The following PPFIA2 variants were observed in gnomAD, a reference collection of about 807,000 sequenced individuals.
PPFIA2 encodes the protein liprin-alpha-2.
In PPFIA2, 46 loss-of-function variants were observed where a neutral mutation model predicts 175.5. The ratio of observed to expected loss-of-function variants is 0.26; its 90% CI spans 0.21 to 0.34. The LOEUF (loss-of-function observed/expected upper bound fraction) is 0.34. Ranked by LOEUF, PPFIA2 falls within the 10% of genes least tolerant of loss-of-function variation. The probability of loss-of-function intolerance (pLI) is 1.00; values close to 1 mark genes in which losing one functional copy is unlikely to be tolerated. For synonymous variants in PPFIA2, 568 were observed against 511.4 expected, an observed-to-expected ratio of 1.11 and a Z score of -1.49; for missense variants, 1,179 against 1,506.1, an observed-to-expected ratio of 0.78 and a Z score of 3.60.
chr12:81,544,085 T>C (rs1426051598), intron 4 of PPFIA2, among the ~76,000 whole-genome samples: 2 of 152,242 alleles, frequency 1.3e-5, no homozygotes, highest in East Asian at 1.9e-4. Context: ...AATAAAAATA[T>C]ATCAACATTG....
chr12:81,512,324 C>A (rs1313110977), intron 4 of PPFIA2: 2 of 1,288,654 alleles, frequency 1.6e-6, no homozygotes, highest in Non-Finnish European at 1.0e-6. Context: ...TTCCCATCTC[C>A]CACTGCTATC....
intron 7 of PPFIA2, among the ~76,000 whole-genome samples, chr12:81,436,130 A>T (rs987090779): frequency 2.6e-5 from 4 of 151,374 alleles, no homozygotes; most frequent in Admixed American, 6.6e-5. Context: ...ATACAAAAAA[A>T]ATTGGCTGGG....
At chr12:81,688,158 TA>T (rs561145044) in intron 3 of PPFIA2, among the ~76,000 whole-genome samples, 4 of 152,058 alleles carry the variant, frequency 2.6e-5, no homozygotes, top group African/African-American at 9.6e-5. Context: ...TTCTTCCTAA[TA>T]AAAAAATGAG....
chr12:81,394,217 A>G (rs2040667247), intron 8 of PPFIA2, among the ~76,000 whole-genome samples: 1 of 152,026 alleles, frequency 6.6e-6, no homozygotes, highest in African/African-American at 2.4e-5. Flanking sequence ...AAGTTTTTAG[A>G]TAACTTAGGC....
Position 81,550,462 on chromosome 12 carries a change from T to C in PPFIA2, c.304-92596A>G, listed in dbSNP as rs962253267. 4.6e-5 allele frequency among the ~76,000 whole-genome samples: 7 copies of C among 152,024 alleles called. No homozygotes were observed. The East Asian group carries it at 9.7e-4, about 21-fold the overall frequency. ...ATGTATAGAAGCGATGTGATCCAAT[T>C]AGACAGAAGGTAGGGGATTTAAGTG... On this transcript the variant is annotated intron_variant, in intron 4 of 32. Transcript: ENST00000549396.
At chr12:81,428,787 A>G (rs544281318) in intron 7 of PPFIA2, among the ~76,000 whole-genome samples, 1 of 152,188 alleles carries the variant, frequency 6.6e-6, no homozygotes, top group African/African-American at 2.4e-5. Context: ...ATACATTTCC[A>G]ACAGGAATAA....
chr12:81,325,684 T>G, intron 22 of PPFIA2, 93 bp downstream of exon 22: 2 of 933,010 alleles, frequency 2.1e-6, no homozygotes, highest in Non-Finnish European at 3.3e-6. Context: ...AATATAGTTC[T>G]TTTGTTTCCA....
intron 4 of PPFIA2, among the ~76,000 whole-genome samples, chr12:81,661,093 A>T (rs2068764354): frequency 6.6e-6 from 1 of 152,242 alleles, no homozygotes; most frequent in Non-Finnish European, 1.5e-5. Flanking sequence ...CTGCAAAAAC[A>T]TGCCAAATTG....
intron 8 of PPFIA2, among the ~76,000 whole-genome samples, chr12:81,398,320 T>C (rs933363430): frequency 3.9e-5 from 6 of 152,088 alleles, no homozygotes; most frequent in African/African-American, 1.2e-4. Flanking sequence ...TGACTAGGCT[T>C]TTTTGAAATT....
intron 4 of PPFIA2, among the ~76,000 whole-genome samples, chr12:81,591,936 C>T (rs2153444993): frequency 6.6e-6 from 1 of 152,228 alleles, no homozygotes; most frequent in East Asian, 1.9e-4. Flanking sequence ...TGACACCTTG[C>T]ACTGTACACC....
chr12:81,433,791 G>A (rs765665899), intron 7 of PPFIA2, among the ~76,000 whole-genome samples: 3 of 152,112 alleles, frequency 2.0e-5, no homozygotes, highest in Non-Finnish European at 4.4e-5. Flanking sequence ...TAAATATAAA[G>A]GAGAGAGATG....
At chr12:81,523,509 T>C (rs2153259930) in intron 4 of PPFIA2, among the ~76,000 whole-genome samples, 1 of 152,354 alleles carries the variant, frequency 6.6e-6, no homozygotes, top group South Asian at 2.1e-4. Context: ...TTAGCACATT[T>C]TTGTCATTAG....
At chr12:81,449,798 C>A (rs943624654) in intron 5 of PPFIA2, among the ~76,000 whole-genome samples, 18 of 138,874 alleles carry the variant, frequency 1.3e-4, no homozygotes, top group Admixed American at 3.0e-4. Flanking sequence ...CTCCCCCCGA[C>A]CCCATGACAG....
chr12:81,389,444 T>C (rs2039691048), intron 8 of PPFIA2, among the ~76,000 whole-genome samples: 1 of 151,984 alleles, frequency 6.6e-6, no homozygotes, highest in Non-Finnish European at 1.5e-5. Flanking sequence ...CATTAAGCAG[T>C]AAATGTTCAC....
intron 4 of PPFIA2, among the ~76,000 whole-genome samples, chr12:81,639,123 T>A (rs539903347): frequency 6.6e-6 from 1 of 152,300 alleles, no homozygotes; most frequent in Non-Finnish European, 1.5e-5. Flanking sequence ...GTCCAAAGTC[T>A]TTAGTTTGTC....
intron 22 of PPFIA2, among the ~76,000 whole-genome samples, chr12:81,321,429 C>T (rs59816291): frequency 6.6e-6 from 1 of 151,972 alleles, no homozygotes; most frequent in Non-Finnish European, 1.5e-5. Context: ...ATGTTGATGA[C>T]ATTAAATTTT....
In PPFIA2 at chr12:81,294,459, A is replaced by T. The variant is rs1381193315; in HGVS notation, c.2925+376T>A. 7 of 177,024 alleles carry T rather than the reference A, an allele frequency of 4.0e-5. No homozygotes were observed. In the East Asian group the frequency reaches 1.3e-3, roughly 32 times the overall value. The allele number at this position is 177,024 out of a possible 1,614,324, so 11.0% of individuals were successfully genotyped here. ...GTAGGTAGGAAGGAAGGAAGGAAGG[A>T]AGGAAGGAAGGAAGGAAGGAAGGAA... On this transcript the variant is annotated intron_variant, in intron 24 of 32. Transcript: ENST00000549396.
intron 4 of PPFIA2, among the ~76,000 whole-genome samples, chr12:81,530,579 T>C (rs1187225684): frequency 1.3e-5 from 2 of 151,806 alleles, no homozygotes; most frequent in Non-Finnish European, 2.9e-5. Context: ...GTGTGGCAAC[T>C]GGAATGAACA....
chr12:81,475,655 A>G (rs2057375443), intron 4 of PPFIA2, among the ~76,000 whole-genome samples: 1 of 152,168 alleles, frequency 6.6e-6, no homozygotes, highest in Non-Finnish European at 1.5e-5. Context: ...TCTGCTAGGC[A>G]CTATGAATCA....
Sources: gnomAD v4.1 joint callset for allele counts (sites outside exome capture counted in the v4.1 genomes callset) on GRCh38, gnomAD v4.1.1 for gene constraint, MANE v1.5 for transcripts, NCBI Gene and HGNC (gene_info 2026-07-23, HGNC 2026-07-21) for gene names.